Variants in TP63 observed in about 807,000 individuals in gnomAD.
TP63 encodes tumor protein p63.
A neutral mutation model predicts 82.8 loss-of-function variants in TP63; 17 were observed. That is an observed-to-expected ratio of 0.21 (90% CI 0.14 to 0.31). The LOEUF is 0.31. Among genes scored for constraint, TP63 ranks in the 10% least tolerant of loss-of-function variants. The pLI is 1.00. For missense variants in TP63, 648 were observed against 895.3 expected (o/e 0.72, Z 3.52); for synonymous variants, 330 against 321.7 (o/e 1.03, Z -0.28).
At chr3:189,636,117 C>CA (rs1036021519) in intron 1 of TP63, among the ~76,000 whole-genome samples, 1 of 151,554 alleles carries the variant, frequency 6.6e-6, no homozygotes, top group Non-Finnish European at 1.5e-5. Context: ...CAGTTGTAAT[C>CA]AAAAAAAAAT....
intron 8 of TP63, 84 bp from the exon 9 acceptor site, chr3:189,869,240 A>C: frequency 2.0e-6 from 2 of 999,414 alleles, no homozygotes; most frequent in Non-Finnish European, 3.1e-6. Context: ...GATTAACATT[A>C]ATATTTAATT....
At chr3:189,677,443 T>C (rs191978919) in intron 1 of TP63, among the ~76,000 whole-genome samples, 12,769 of 147,174 alleles carry the variant, frequency 0.087, 797 homozygotes, top group East Asian at 0.3. Context: ...CATATATATA[T>C]ACACACATAT....
rs1577203263 is a variant in TP63 at position 189,889,416 on chromosome 3, A to C, written c.1584A>C (p.Pro528=). Residue 528 remains proline (P), a synonymous_variant, in exon 12 of 14, where the codon CCA becomes CCC. Coordinates refer to ENST00000264731, the MANE Select transcript of TP63 (RefSeq NM_003722.5). The stretch of plus-strand genomic sequence containing the variant: ...GCCCCACCCAGGCACTCCCTCCCCC[A>C]CTCTCCATGCCATCCACCTCCCACT... The part of the protein sequence containing the change: ...GLSPTQALPP[P]LSMPSTSHCT... The C allele has an allele frequency of 6.2e-7, 1 of 1,611,664 alleles. No homozygotes were observed. Among genetic ancestry groups the C allele is most frequent in the Non-Finnish European group, 8.5e-7 (1 of 1,179,446 alleles).
chr3:189,723,304 A>G (rs1342234366), intron 1 of TP63, among the ~76,000 whole-genome samples: 2 of 152,162 alleles, frequency 1.3e-5, no homozygotes, highest in East Asian at 1.9e-4. Context: ...CTGAAGCCAT[A>G]TCCTTAGGAA....
At chr3:189,627,262 G>T (rs1196736520), upstream of TP63, among the ~76,000 whole-genome samples, 1 of 152,154 alleles carries the variant, frequency 6.6e-6, no homozygotes, top group Admixed American at 6.5e-5. Context: ...AAGTTTGTTG[G>T]ACTTCTGGCC....
chr3:189,830,171 T>C lies in TP63; in HGVS notation c.579+21645T>C, dbSNP rs148867818. ...GTTCAAGTATATCTGGAGTTCAGAT[T>C]TGAGATCTGACTAGGAGAATCTGTC... is the stretch of plus-strand genomic sequence containing the variant. On this transcript the variant is annotated intron_variant, in intron 4 of 13. Coordinates refer to ENST00000264731, the MANE Select transcript of TP63 (RefSeq NM_003722.5). Among the ~76,000 whole-genome samples the C allele has an allele frequency of 3.4e-4, 52 of 152,286 alleles. No homozygotes were observed. The East Asian group carries it at 9.1e-3, about 27-fold the overall frequency.
chr3:189,897,009 A>T lies in TP63; in HGVS notation c.*2507A>T, dbSNP rs1721526072. On this transcript the variant is annotated 3_prime_UTR_variant, in exon 14 of 14. Coordinates refer to ENST00000264731, the MANE Select transcript of TP63 (RefSeq NM_003722.5). ...TTTCTTGGTAATCCCCTAAAATAAC[A>T]GTATGTGGGATATTGAATGTTAAAG... The T allele has an allele frequency of 1.8e-5, 4 of 226,872 alleles. No homozygotes were observed. The South Asian group carries it at 7.3e-4, about 42-fold the overall frequency. The allele number at this position is 226,872 out of a possible 1,614,324, so 14.1% of individuals were successfully genotyped here.
chr3:189,880,906 T>C (rs1719840387), intron 10 of TP63: 2 of 985,406 alleles, frequency 2.0e-6, no homozygotes, highest in South Asian at 9.4e-5. Flanking sequence ...GTTTTTCTTG[T>C]ACATGAAACC....
intron 4 of TP63, among the ~76,000 whole-genome samples, chr3:189,829,000 C>T (rs1711881953): frequency 6.6e-6 from 1 of 152,122 alleles, no homozygotes; most frequent in South Asian, 2.1e-4. Flanking sequence ...GTGGTTGGTC[C>T]TCAGTGAATG....
chr3:189,599,073 T>C, the TP63 span, among the ~76,000 whole-genome samples: 1 of 152,184 alleles, frequency 6.6e-6, no homozygotes. Context: ...TTCTCAGACC[T>C]TTTTTTCATG....
chr3:189,819,732 T>C (rs6795465), intron 4 of TP63, among the ~76,000 whole-genome samples: 20,192 of 148,650 alleles, frequency 0.14, 1,526 homozygotes, highest in Middle Eastern at 0.2. Flanking sequence ...TCACTGGTAA[T>C]GGATTATATT....
the TP63 span, among the ~76,000 whole-genome samples, chr3:189,607,903 A>G: frequency 6.6e-6 from 1 of 152,140 alleles, no homozygotes; most frequent in African/African-American, 2.4e-5. Flanking sequence ...TCTAATATTC[A>G]TTGGTAAAGT....
chr3:189,674,735 TAC>T (rs1038930675), intron 1 of TP63, among the ~76,000 whole-genome samples: 7 of 152,108 alleles, frequency 4.6e-5, no homozygotes, highest in African/African-American at 1.7e-4. Context: ...AGTACAGATA[TAC>T]ACATAAAATG....
rs531316258 is a variant in TP63 at position 189,702,946 on chromosome 3, G to C, written c.63-34794G>C. 1.6e-4 allele frequency among the ~76,000 whole-genome samples: 25 copies of C among 152,314 alleles called. 1 individual carries two copies. Among genetic ancestry groups the C allele is most frequent in the Admixed American group, 3.9e-4 (6 of 15,300 alleles). On this transcript the variant is annotated intron_variant, in intron 1 of 13. Coordinates refer to ENST00000264731, the MANE Select transcript of TP63 (RefSeq NM_003722.5). ...GCACTGGCTCAGGCAATGTGTGCCA[G>C]GCATTGTGCAATGTACCTCATATGT... is the stretch of plus-strand genomic sequence containing the variant.
At chr3:189,840,356 CGTCTTTTTTTTTT>C (rs1713822164) in intron 4 of TP63, among the ~76,000 whole-genome samples, 1 of 26,210 alleles carries the variant, frequency 3.8e-5, no homozygotes, top group Admixed American at 5.1e-4. Flanking sequence ...TTTTGCTTTT[CGTCTTTTTTTTTT>C]TTTTTTTTTT....
chr3:189,811,870 A>G lies in TP63; in HGVS notation c.579+3344A>G, dbSNP rs190643317. Among the ~76,000 whole-genome samples the G allele has an allele frequency of 1.1e-3, 174 of 152,334 alleles. 1 individual carries two copies. Among genetic ancestry groups the G allele is most frequent in the African/African-American group, 3.9e-3 (163 of 41,588 alleles). On this transcript the variant is annotated intron_variant, in intron 4 of 13. Coordinates refer to ENST00000264731, the MANE Select transcript of TP63 (RefSeq NM_003722.5). The stretch of plus-strand genomic sequence containing the variant: ...CAGGGAGGGGCATACAGGAGCAGGC[A>G]GTGCCTGTGTAGTTTGGAGCTTGCC...
rs1032956069 is a variant in TP63, at chr3:189,882,292, A to G, written c.1350-4102A>G. The stretch of plus-strand genomic sequence containing the variant: ...TATAGTGACTTGTATATAAATGCAC[A>G]TATTTGAAATGATGGAAAATATTAG... On this transcript the variant is annotated intron_variant, in intron 10 of 13. Transcript: ENST00000264731. Among the ~76,000 whole-genome samples the G allele has an allele frequency of 5.9e-5, 9 of 152,210 alleles. No individual in the cohort carries two copies. The East Asian group carries it at 9.6e-4, about 16-fold the overall frequency.
chr3:189,865,249 A>G (rs1234604443), intron 5 of TP63, among the ~76,000 whole-genome samples: 1 of 152,166 alleles, frequency 6.6e-6, no homozygotes, highest in Non-Finnish European at 1.5e-5. Flanking sequence ...AAGGGGAATA[A>G]ATAGAAGGCC....
chr3:189,817,297 T>C (rs928878911), intron 4 of TP63, among the ~76,000 whole-genome samples: 1 of 152,138 alleles, frequency 6.6e-6, no homozygotes, highest in African/African-American at 2.4e-5. Flanking sequence ...ATAAGAAGAC[T>C]AATGATTACT....
Sources: allele counts gnomAD v4.1 joint callset (sites outside exome capture counted in the v4.1 genomes callset), GRCh38; gene constraint gnomAD v4.1.1; transcripts MANE v1.5; gene names NCBI Gene and HGNC (gene_info 2026-07-23, HGNC 2026-07-21).